CDH13: variants seen among roughly 807,000 people sequenced by gnomAD.
CDH13 encodes cadherin 13, also known as cadherin-13.
In CDH13, 24 loss-of-function variants were observed where a neutral mutation model predicts 63.8. That is an observed-to-expected ratio of 0.38 (90% CI 0.27 to 0.53). The LOEUF (loss-of-function observed/expected upper bound fraction) is 0.53, where lower values mean the gene tolerates loss of function less well. CDH13 is among the 20% of genes least tolerant of loss of function. The pLI, the probability that CDH13 is intolerant of heterozygous loss-of-function variation, is 0.85. For synonymous variants in CDH13, 503 were observed against 355.3 expected (o/e 1.42, Z -4.67); for missense variants, 1,049 against 903.1 (o/e 1.16, Z -2.07).
chr16:82,851,551 C>T (rs2039487214), intron 1 of CDH13, among the ~76,000 whole-genome samples: 1 of 152,152 alleles, frequency 6.6e-6, no homozygotes, highest in Non-Finnish European at 1.5e-5. Flanking sequence ...TTGTAAGTGT[C>T]TGTGACCTTA....
At chr16:83,758,931 A>C (rs1913730615) in intron 11 of CDH13, among the ~76,000 whole-genome samples, 1 of 152,228 alleles carries the variant, frequency 6.6e-6, no homozygotes, top group African/African-American at 2.4e-5. Flanking sequence ...ATGGATTGGA[A>C]GGCTCAATGG....
At chr16:83,472,222 A>C (rs998451772) in intron 6 of CDH13, among the ~76,000 whole-genome samples, 3 of 152,206 alleles carry the variant, frequency 2.0e-5, no homozygotes, top group African/African-American at 7.2e-5. Context: ...GTTCAGTGGC[A>C]GAGCTGGGAC....
chr16:83,361,639 T>C (rs1892994496), intron 6 of CDH13, among the ~76,000 whole-genome samples: 1 of 152,220 alleles, frequency 6.6e-6, no homozygotes, highest in Non-Finnish European at 1.5e-5. Flanking sequence ...TTCATTCTTC[T>C]GAATATGGCT....
chr16:82,838,162 C>T (rs1019297454), intron 1 of CDH13, among the ~76,000 whole-genome samples: 1 of 152,324 alleles, frequency 6.6e-6, no homozygotes, highest in South Asian at 2.1e-4. Flanking sequence ...AAGTCCTCAC[C>T]CTTTTCATTG....
chr16:83,791,811 CAAAAAAAAA>C (rs10548547), intron 13 of CDH13, among the ~76,000 whole-genome samples: 2 of 94,902 alleles, frequency 2.1e-5, no homozygotes, highest in African/African-American at 7.4e-5. Context: ...ACTTTGTCTC[CAAAAAAAAA>C]AAAAAAAAAA....
intron 4 of CDH13, among the ~76,000 whole-genome samples, chr16:83,177,676 C>T (rs985475483): frequency 6.6e-6 from 1 of 152,118 alleles, no homozygotes; most frequent in East Asian, 1.9e-4. Flanking sequence ...TAGGGATAAG[C>T]CTGTCAAGAC....
At chr16:82,955,927 A>G (rs1446167044) in intron 2 of CDH13, among the ~76,000 whole-genome samples, 2 of 152,202 alleles carry the variant, frequency 1.3e-5, no homozygotes, top group African/African-American at 2.4e-5. Context: ...AAATACTACT[A>G]TGAAATATGC....
intron 3 of CDH13, among the ~76,000 whole-genome samples, chr16:83,100,333 G>GT (rs1567828921): frequency 6.6e-6 from 1 of 152,188 alleles, no homozygotes; most frequent in East Asian, 1.9e-4. Flanking sequence ...AATAGGAAGT[G>GT]TTGGGGATAC....
At chr16:82,709,067 A>G (rs2031715837) in intron 1 of CDH13, among the ~76,000 whole-genome samples, 1 of 152,200 alleles carries the variant, frequency 6.6e-6, no homozygotes, top group Non-Finnish European at 1.5e-5. Flanking sequence ...TGCCAGTTAC[A>G]TCGCTGGTCA....
chr16:83,616,828 C>G (rs1909323448), intron 8 of CDH13, among the ~76,000 whole-genome samples: 1 of 152,190 alleles, frequency 6.6e-6, no homozygotes. Flanking sequence ...GTTTCAAACA[C>G]TGTCCACCTG....
intron 2 of CDH13, among the ~76,000 whole-genome samples, chr16:82,972,071 A>G (rs1232567994): frequency 1.3e-5 from 2 of 152,214 alleles, no homozygotes; most frequent in East Asian, 1.9e-4. Context: ...ATGGATTTTT[A>G]TCAGAAGAGA....
intron 7 of CDH13, 61 bp from the exon 8 acceptor site, chr16:83,602,393 T>A: frequency 1.9e-6 from 3 of 1,585,892 alleles, no homozygotes; most frequent in Non-Finnish European, 2.6e-6. Context: ...GCCTGCCACC[T>A]TTCCAAAGCA....
chr16:82,724,895 C>T (rs2151026884), intron 1 of CDH13, among the ~76,000 whole-genome samples: 1 of 152,300 alleles, frequency 6.6e-6, no homozygotes, highest in Admixed American at 6.5e-5. Context: ...CAGCCATTCT[C>T]TCTGTGACTC....
At chr16:82,858,835 T>C (rs1447717317) in intron 2 of CDH13, 2 of 319,846 alleles carry the variant, frequency 6.3e-6, no homozygotes, top group Non-Finnish European at 1.1e-5. Context: ...ATTGCTGTTC[T>C]ACCTGTAGTT....
chr16:83,780,984 C>G (rs995702954), intron 12 of CDH13, among the ~76,000 whole-genome samples: 5 of 152,158 alleles, frequency 3.3e-5, no homozygotes, highest in African/African-American at 1.2e-4. Flanking sequence ...TCTTCAACCT[C>G]CAACCTTCCA....
At chr16:82,824,467 A>G (rs186566210) in intron 1 of CDH13, 14 of 152,336 alleles carry the variant, frequency 9.2e-5, no homozygotes, top group African/African-American at 2.9e-4. Flanking sequence ...CTAAATTAAT[A>G]TATCTAGGCA....
chr16:82,659,733 A>G (rs1301940719), intron 1 of CDH13, among the ~76,000 whole-genome samples: 1 of 152,134 alleles, frequency 6.6e-6, no homozygotes, highest in African/African-American at 2.4e-5. Context: ...CACCTGGGAA[A>G]TTCTGAACGT....
chr16:83,750,739 A>T (rs543376586), intron 11 of CDH13, among the ~76,000 whole-genome samples: 11 of 152,272 alleles, frequency 7.2e-5, no homozygotes, highest in Non-Finnish European at 1.3e-4. Context: ...GCTGGGGGAG[A>T]GGCTGGGAGG....
At position 82,639,466 on chromosome 16, in the gene CDH13, G is replaced by A. The variant is rs576747633; in HGVS notation, c.45+12329G>A. 98 of 1,527,954 alleles carry A rather than the reference G, an allele frequency of 6.4e-5. No individual in the cohort carries two copies. The South Asian group carries it at 1.1e-3, about 17-fold the overall frequency. The allele number at this position is 1,527,954 out of a possible 1,614,324, so 94.6% of individuals were successfully genotyped here. A position where few individuals can be genotyped will look rare whatever the true frequency, so the allele number is the denominator to read the frequency against. On this transcript the variant is annotated intron_variant, in intron 1 of 13. Coordinates refer to ENST00000567109, the MANE Select transcript of CDH13 (RefSeq NM_001257.5). ...CCCACCTGCAGCTTCAACCATGCAG[G>A]TAAATTTGCCTGCTGCTGTGTCGTG...
Sources: allele counts gnomAD v4.1 joint callset (sites outside exome capture counted in the v4.1 genomes callset), GRCh38; gene constraint gnomAD v4.1.1; transcripts MANE v1.5; gene names NCBI Gene and HGNC (gene_info 2026-07-23, HGNC 2026-07-21).